Variants in METTL22 observed in about 807,000 individuals in gnomAD.
The protein encoded by METTL22 is methyltransferase-like protein 22.
METTL22 carries 51 observed loss-of-function variants against 48.4 expected under a neutral mutation model. The observed-to-expected ratio is 1.05, with a 90% CI of 0.84 to 1.33. METTL22 has a LOEUF of 1.33. Ranked by LOEUF, METTL22 falls within the 40% of genes most tolerant of loss-of-function variation. METTL22 has a pLI of 0.00. For synonymous variants in METTL22, 255 were observed against 214.1 expected (o/e 1.19, Z -1.67); for missense variants, 678 against 526.9 (o/e 1.29, Z -2.81).
chr16:8,658,743 G>T, the METTL22 span, among the ~76,000 whole-genome samples: 19 of 152,286 alleles, frequency 1.2e-4, no homozygotes, highest in Admixed American at 1.2e-3. Flanking sequence ...GTCCAGATTT[G>T]ACCAGAGTGC....
rs182768316 is a variant in METTL22, at chr16:8,625,870, G to A, written c.133+72G>A. 39 of 1,572,010 alleles carry A rather than the reference G, an allele frequency of 2.5e-5. No individual in the cohort carries two copies. In the South Asian group the frequency reaches 2.9e-4, roughly 12 times the overall value. On this transcript the variant is annotated intron_variant, in intron 2 of 10. Transcript: ENST00000381920. ...GCTTTCTCATACTCATCTTTTTGGG[G>A]AAAATATTGGGAAGACTGGATTACG...
the METTL22 span, among the ~76,000 whole-genome samples, chr16:8,655,351 G>A: frequency 6.6e-6 from 1 of 152,180 alleles, no homozygotes; most frequent in East Asian, 1.9e-4. Context: ...TGGGTCTAAG[G>A]GCCTCAGTTC....
rs1040095870 is a variant in METTL22, at chr16:8,646,822, C to G, written c.*679C>G. ...TCAGAGGTGTTCCCTTCCGCCTGGACTCATTTTCCCTCCGCCCCTTGGTCT... is the reference window on the plus strand; with the variant it reads ...TCAGAGGTGTTCCCTTCCGCCTGGAGTCATTTTCCCTCCGCCCCTTGGTCT... On this transcript the variant is annotated 3_prime_UTR_variant, in exon 11 of 11. Coordinates refer to ENST00000381920, the MANE Select transcript of METTL22 (RefSeq NM_024109.4). 2.6e-6 allele frequency: 1 copy of G among 381,500 alleles called. No individual in the cohort carries two copies. The highest frequency in any genetic ancestry group is 5.2e-6 in the Non-Finnish European group (1 of 191,524). 23.6% of individuals were successfully genotyped at this position (381,500 alleles called of 1,614,324 possible).
At chr16:8,638,854 C>T (rs1362022926) in intron 5 of METTL22, among the ~76,000 whole-genome samples, 2 of 152,196 alleles carry the variant, frequency 1.3e-5, no homozygotes, top group Non-Finnish European at 2.9e-5. Flanking sequence ...CACACTCCTT[C>T]CCTCTGGAAT....
intron 5 of METTL22, 150 bp downstream of exon 5, chr16:8,635,462 A>G (rs1231747456): frequency 6.6e-6 from 6 of 908,842 alleles, no homozygotes; most frequent in African/African-American, 5.0e-5. Flanking sequence ...TCCACTCTCC[A>G]TTTATTCTCA....
At chr16:8,631,949 C>G (rs1894863) in intron 3 of METTL22, 150,449 of 152,356 alleles carry the variant, frequency 0.99, 74,316 homozygotes, top group Middle Eastern at 1. Context: ...ACCTGGACCG[C>G]GCCCGGCCCA....
intron 10 of METTL22, 88 bp from the exon 11 acceptor site, chr16:8,646,020 T>C: frequency 4.4e-6 from 7 of 1,587,538 alleles, no homozygotes; most frequent in Non-Finnish European, 6.0e-6. Context: ...GTCTAACTAC[T>C]CTCCTTGGTG....
At chr16:8,629,172 G>A in intron 3 of METTL22, 62 bp downstream of exon 3, 1 of 1,565,738 alleles carries the variant, frequency 6.4e-7, no homozygotes, top group East Asian at 2.2e-5. Context: ...TCACTGCTCA[G>A]GGCTCAGTAT....
the METTL22 span, among the ~76,000 whole-genome samples, chr16:8,666,361 TA>T: frequency 6.6e-6 from 1 of 152,210 alleles, no homozygotes; most frequent in African/African-American, 2.4e-5. Context: ...CACACCTTAT[TA>T]TCGACCCACC....
At chr16:8,650,011 A>T (rs2056870955), downstream of METTL22, among the ~76,000 whole-genome samples, 1 of 152,136 alleles carries the variant, frequency 6.6e-6, no homozygotes, top group Non-Finnish European at 1.5e-5. Flanking sequence ...TGAAGTTGCA[A>T]CATGTCATCC....
At chr16:8,628,591 T>C (rs559996462) in intron 2 of METTL22, 139 bp from the exon 3 acceptor site, 4 of 1,205,944 alleles carry the variant, frequency 3.3e-6, no homozygotes, top group South Asian at 3.3e-5. Flanking sequence ...AAGTGGGCCT[T>C]TTCTGCTGGC....
Position 8,641,129 on chromosome 16 carries a change from AG to A in METTL22, c.773del, listed in dbSNP as rs1166947155. On this transcript the variant is annotated splice_acceptor_variant, in intron 6 of 10. Coordinates refer to ENST00000381920, the MANE Select transcript of METTL22 (RefSeq NM_024109.4). LOFTEE classifies it high-confidence loss of function. Reference sequence around the variant, plus strand: ...AAGTTCTCTTTTTGTTTGTTTTTACAGGTGGTATAGTTAGGGTCAAAGAACT... The same window carrying A: ...AAGTTCTCTTTTTGTTTGTTTTTACAGTGGTATAGTTAGGGTCAAAGAACT... 5.0e-6 allele frequency: 8 copies of A among 1,613,668 alleles called. No homozygotes were observed. The highest frequency in any genetic ancestry group is 6.8e-6 in the Non-Finnish European group (8 of 1,179,818).
At chr16:8,642,270 C>G in intron 8 of METTL22, 63 bp downstream of exon 8, 2 of 1,438,936 alleles carry the variant, frequency 1.4e-6, no homozygotes, top group Admixed American at 3.3e-5. Context: ...AGTGCAGTCT[C>G]TCCTCACTTC....
intron 10 of METTL22, 108 bp from the exon 11 acceptor site, chr16:8,646,000 C>A (rs746848044): frequency 2.0e-5 from 31 of 1,536,708 alleles, no homozygotes; most frequent in Non-Finnish European, 2.5e-5. Context: ...TGCTCCGTGG[C>A]TGACGTGTTG....
intron 1 of METTL22, chr16:8,623,752 G>C (rs1199686222): frequency 6.6e-6 from 1 of 152,104 alleles, no homozygotes; most frequent in Non-Finnish European, 1.5e-5. Context: ...TTTTTGTTGG[G>C]ACAGCTTTTG....
At chr16:8,661,763 G>T in the METTL22 span, among the ~76,000 whole-genome samples, 108,079 of 143,040 alleles carry the variant, frequency 0.76, 45,361 homozygotes, top group East Asian at 0.99. Context: ...TGTAGAGACA[G>T]GGTCTCACTA....
intron 10 of METTL22, among the ~76,000 whole-genome samples, chr16:8,645,351 G>A (rs973216208): frequency 1.3e-5 from 2 of 152,208 alleles, no homozygotes; most frequent in Admixed American, 6.5e-5. Flanking sequence ...CATGGAATTC[G>A]TGTGGTTTTG....
At chr16:8,657,754 A>G in the METTL22 span, among the ~76,000 whole-genome samples, 1 of 151,962 alleles carries the variant, frequency 6.6e-6, no homozygotes, top group Non-Finnish European at 1.5e-5. Flanking sequence ...GGGTCTTGAC[A>G]GTCGTCCTGG....
At chr16:8,653,945 A>G (rs899457889), downstream of METTL22, among the ~76,000 whole-genome samples, 1 of 152,112 alleles carries the variant, frequency 6.6e-6, no homozygotes, top group Non-Finnish European at 1.5e-5. Context: ...ACCAAGCTCA[A>G]TGTGGGAAGC....
Sources: allele counts gnomAD v4.1 joint callset (sites outside exome capture counted in the v4.1 genomes callset), GRCh38; gene constraint gnomAD v4.1.1; transcripts MANE v1.5; gene names NCBI Gene and HGNC (gene_info 2026-07-23, HGNC 2026-07-21).